KCND2: variants seen among roughly 807,000 people sequenced by gnomAD.
KCND2 encodes A-type voltage-gated potassium channel KCND2.
KCND2 carries 16 observed loss-of-function variants against 54.4 expected under a neutral mutation model. The observed-to-expected ratio is 0.29, with a 90% confidence interval of 0.20 to 0.45. KCND2 has a LOEUF of 0.45. KCND2 is among the 20% of genes least tolerant of loss of function. The probability of loss-of-function intolerance (pLI) is 1.00; values close to 1 mark genes in which losing one functional copy is unlikely to be tolerated. For missense variants in KCND2, 486 were observed against 824.2 expected, an observed-to-expected ratio of 0.59 and a Z score of 5.02; for synonymous variants, 317 against 310.7, an observed-to-expected ratio of 1.02 and a Z score of -0.21.
At chr7:120,645,716 C>T (rs896572337) in intron 1 of KCND2, among the ~76,000 whole-genome samples, 1 of 152,188 alleles carries the variant, frequency 6.6e-6, no homozygotes, top group African/African-American at 2.4e-5. Flanking sequence ...TGCCTGGACA[C>T]GTGACAAGTG....
chr7:120,668,059 G>A (rs749724973), intron 1 of KCND2, among the ~76,000 whole-genome samples: 1 of 151,896 alleles, frequency 6.6e-6, no homozygotes, highest in Non-Finnish European at 1.5e-5. Context: ...TGTGCATCTC[G>A]TAACTCCAAA....
At chr7:120,330,305 C>T (rs71569028) in intron 1 of KCND2, among the ~76,000 whole-genome samples, 3,157 of 152,056 alleles carry the variant, frequency 0.021, 52 homozygotes, top group Non-Finnish European at 0.029. Flanking sequence ...GTAGGCTGGG[C>T]GTGGTGGCTC....
intron 1 of KCND2, among the ~76,000 whole-genome samples, chr7:120,508,274 G>A (rs1052090980): frequency 5.3e-5 from 8 of 151,858 alleles, no homozygotes; most frequent in African/African-American, 1.9e-4. Flanking sequence ...TTAATATTCT[G>A]TTAGAAAGCT....
chr7:120,467,337 A>G (rs1274307829), intron 1 of KCND2, among the ~76,000 whole-genome samples: 1 of 152,140 alleles, frequency 6.6e-6, no homozygotes, highest in Non-Finnish European at 1.5e-5. Context: ...CTTGATTCTC[A>G]AGACTAAACT....
At chr7:120,540,473 T>C (rs73721417) in intron 1 of KCND2, among the ~76,000 whole-genome samples, 3,943 of 152,270 alleles carry the variant, frequency 0.026, 163 homozygotes, top group African/African-American at 0.087. Context: ...CTTTTCATCA[T>C]ACCTTGTTGA....
In KCND2 at chr7:120,274,425, A is replaced by G. The variant is rs565073362; in HGVS notation, c.-208A>G. The G allele has an allele frequency of 1.7e-5, 11 of 651,028 alleles. No homozygotes were observed. The highest frequency in any genetic ancestry group is 1.6e-4 in the African/African-American group (9 of 55,020). The allele number at this position is 651,028 out of a possible 1,614,324, so 40.3% of individuals were successfully genotyped here. A position where few individuals can be genotyped will look rare whatever the true frequency, so the allele number is the denominator to read the frequency against. On this transcript the variant is annotated 5_prime_UTR_variant, in exon 1 of 6. Coordinates refer to ENST00000331113, the MANE Select transcript of KCND2 (RefSeq NM_012281.3). Reference sequence around the variant, plus strand: ...TGTTAGGACGTTGTATTTTGTTGCCATTATTCCAAATACCTGTCTTGGAGG... The same window carrying G: ...TGTTAGGACGTTGTATTTTGTTGCCGTTATTCCAAATACCTGTCTTGGAGG...
intron 1 of KCND2, among the ~76,000 whole-genome samples, chr7:120,550,794 A>G (rs1240185247): frequency 6.6e-6 from 1 of 152,216 alleles, no homozygotes; most frequent in South Asian, 2.1e-4. Flanking sequence ...GGGAAGAGGC[A>G]AAGTAATATG....
At chr7:120,455,949 C>A (rs1584786367) in intron 1 of KCND2, among the ~76,000 whole-genome samples, 1 of 152,006 alleles carries the variant, frequency 6.6e-6, no homozygotes, top group African/African-American at 2.4e-5. Flanking sequence ...ACACATATAC[C>A]CTTAAACCTA....
chr7:120,495,902 C>G (rs781349576), intron 1 of KCND2, among the ~76,000 whole-genome samples: 15 of 152,044 alleles, frequency 9.9e-5, no homozygotes, highest in Non-Finnish European at 2.2e-4. Flanking sequence ...GGTTGTTTAA[C>G]AGGCCACATT....
intron 1 of KCND2, among the ~76,000 whole-genome samples, chr7:120,492,542 T>C (rs936765086): frequency 6.6e-6 from 1 of 152,040 alleles, no homozygotes; most frequent in Non-Finnish European, 1.5e-5. Context: ...AAGACACCAG[T>C]ATATTCAGTG....
At chr7:120,344,109 CATAGTT>C (rs1800278885) in intron 1 of KCND2, among the ~76,000 whole-genome samples, 1 of 152,128 alleles carries the variant, frequency 6.6e-6, no homozygotes, top group African/African-American at 2.4e-5. Context: ...TTCCTATTGT[CATAGTT>C]ATAGCAACCG....
chr7:120,746,806 T>G (rs1254673810), intron 5 of KCND2: 2 of 152,140 alleles, frequency 1.3e-5, no homozygotes, highest in Non-Finnish European at 2.9e-5. Context: ...GTCTGTAAAT[T>G]CAGTCCTCTT....
At chr7:120,515,479 T>C (rs755843891) in intron 1 of KCND2, among the ~76,000 whole-genome samples, 4 of 152,084 alleles carry the variant, frequency 2.6e-5, no homozygotes, top group Non-Finnish European at 2.9e-5. Context: ...GAAATAGTAG[T>C]TGCAAGAAGA....
chr7:120,721,003 T>C (rs554494462), intron 1 of KCND2, among the ~76,000 whole-genome samples: 30 of 152,326 alleles, frequency 2.0e-4, no homozygotes, highest in African/African-American at 7.2e-4. Context: ...ATGTGGGATA[T>C]ATGCTGCATT....
chr7:120,367,549 C>T (rs1297417058), intron 1 of KCND2, among the ~76,000 whole-genome samples: 1 of 148,284 alleles, frequency 6.7e-6, no homozygotes. Flanking sequence ...TGGGAAATTT[C>T]AGAAAATCCA....
At chr7:120,282,603 A>G (rs1799283056) in intron 1 of KCND2, among the ~76,000 whole-genome samples, 1 of 152,152 alleles carries the variant, frequency 6.6e-6, no homozygotes, top group Non-Finnish European at 1.5e-5. Flanking sequence ...TAATGGGAAA[A>G]AATAACATTG....
chr7:120,591,092 A>C (rs1042756694), intron 1 of KCND2, among the ~76,000 whole-genome samples: 1 of 152,156 alleles, frequency 6.6e-6, no homozygotes, highest in African/African-American at 2.4e-5. Context: ...AAAAGTAAAA[A>C]ATTAGTAGCT....
In KCND2 at chr7:120,479,765, A is replaced by AATAT. The variant is rs553400325; in HGVS notation, c.1115+204030_1115+204033dup. 2.8e-5 allele frequency among the ~76,000 whole-genome samples: 4 copies of AATAT among 140,452 alleles called. No individual in the cohort carries two copies. In the South Asian group the frequency reaches 9.2e-4, roughly 32 times the overall value. 92.1% of individuals were successfully genotyped at this position (140,452 alleles called of 152,430 possible). On this transcript the variant is annotated intron_variant, in intron 1 of 5. Transcript: ENST00000331113. ...CCAACATGGCAAAACCCCATCTCTA[A>AATAT]ATATATATATATATAAACTATACAC...
intron 1 of KCND2, among the ~76,000 whole-genome samples, chr7:120,337,854 C>T (rs574087560): frequency 1.3e-5 from 2 of 152,228 alleles, no homozygotes; most frequent in African/African-American, 4.8e-5. Context: ...GAGAAATGAT[C>T]CTAAGACACT....
Sources: gnomAD v4.1 joint callset for allele counts (sites outside exome capture counted in the v4.1 genomes callset) on GRCh38, gnomAD v4.1.1 for gene constraint, MANE v1.5 for transcripts, NCBI Gene and HGNC (gene_info 2026-07-23, HGNC 2026-07-21) for gene names.